The following CLSPN variants were observed in gnomAD, a reference collection of about 807,000 sequenced individuals.
CLSPN encodes the protein claspin.
Under a neutral mutation model 156.3 loss-of-function variants are expected in CLSPN, and 85 were observed. That is an observed-to-expected ratio of 0.54 (90% CI 0.46 to 0.65). The LOEUF is 0.65. Ranked by LOEUF, CLSPN falls within the 30% of genes least tolerant of loss-of-function variation. The pLI is 0.00. For synonymous variants in CLSPN, 534 were observed against 542.4 expected, an observed-to-expected ratio of 0.98 and a Z score of 0.22; for missense variants, 1,407 against 1,554.9, an observed-to-expected ratio of 0.90 and a Z score of 1.60.
At chr1:35,720,877 CTG>C (rs1410117115) in exon 25 of CLSPN, 29 of 1,598,656 alleles carry the variant, frequency 1.8e-5, no homozygotes, top group Non-Finnish European at 2.5e-5. Flanking sequence ...TCTTTGGACT[CTG>C]TCTCTCCCAG....
intron 10 of CLSPN, among the ~76,000 whole-genome samples, chr1:35,750,095 C>A (rs1432114656): frequency 6.6e-6 from 1 of 151,876 alleles, no homozygotes; most frequent in Non-Finnish European, 1.5e-5. Flanking sequence ...GTTAATTAAT[C>A]AGTCTAAGAT....
In CLSPN at chr1:35,747,899, C is replaced by CAGAAACAT. The variant is rs779450760; in HGVS notation, c.2627+7_2627+8insATGTTTCT. ...CATTCCCGCCCACAGAAACACAAAA[C>CAGAAACAT]TACCTACCCATCTGCATCCAACAGT... On this transcript the variant is annotated splice_region_variant and intron_variant, in intron 14 of 24. Transcript: ENST00000318121. 6 of 1,610,352 alleles carry CAGAAACAT rather than the reference C, an allele frequency of 3.7e-6. No homozygotes were observed. In the East Asian group the frequency reaches 1.3e-4, roughly 36 times the overall value.
At chr1:35,725,194 T>C (rs1248387168) in intron 24 of CLSPN, among the ~76,000 whole-genome samples, 1 of 152,154 alleles carries the variant, frequency 6.6e-6, no homozygotes, top group Non-Finnish European at 1.5e-5. Context: ...CAGATGAACC[T>C]AGGAAATGAA....
downstream of CLSPN, among the ~76,000 whole-genome samples, chr1:35,728,227 G>T (rs569958571): frequency 3.1e-4 from 47 of 152,016 alleles, no homozygotes; most frequent in Non-Finnish European, 6.2e-4. Flanking sequence ...AACCACAGGT[G>T]CATGCCACCA....
intron 8 of CLSPN, among the ~76,000 whole-genome samples, chr1:35,755,771 C>A (rs568686618): frequency 1.3e-5 from 2 of 152,090 alleles, no homozygotes; most frequent in South Asian, 2.1e-4. Context: ...TGCAGTGGTG[C>A]GATCACAGCT....
At chr1:35,765,411 C>A in intron 1 of CLSPN, 85 bp from the exon 2 acceptor site, 1 of 870,710 alleles carries the variant, frequency 1.1e-6, no homozygotes, top group Non-Finnish European at 1.9e-6. Context: ...ATCGTGGGAT[C>A]ATCAACCTGA....
In CLSPN at chr1:35,745,538, T is replaced by A. The variant is rs753467958; in HGVS notation, c.2879A>T (p.Glu960Val). Residue 960 changes from glutamate (E) to valine (V), a missense_variant, in exon 16 of 25, where the codon GAG (glutamate) becomes GTG (valine). By Grantham distance (121) the Glu-to-Val change is moderately radical (BLOSUM62 -2). Around this residue, in one of 3 missense-constraint regions of CLSPN, gnomAD observed 1,096 missense variants for 1,193.0 expected, o/e 0.92. Coordinates refer to ENST00000318121, the MANE Select transcript of CLSPN (RefSeq NM_022111.4). ...GCTCTCCTTCTCCTGTTTATTTAACTCTGATGAGGCTGGAGTGGAGGCATC... is the reference window on the plus strand; with the variant it reads ...GCTCTCCTTCTCCTGTTTATTTAACACTGATGAGGCTGGAGTGGAGGCATC... ...SQDASTPASS[E>V]LNKQEKESSM... The A allele has an allele frequency of 6.2e-7, 1 of 1,613,806 alleles. No individual in the cohort carries two copies. Among genetic ancestry groups the A allele is most frequent in the South Asian group, 1.1e-5 (1 of 91,074 alleles).
chr1:35,745,885 T>A (rs1641861456), intron 15 of CLSPN, among the ~76,000 whole-genome samples: 1 of 152,220 alleles, frequency 6.6e-6, no homozygotes, highest in Admixed American at 6.5e-5. Context: ...GACACTGTTC[T>A]AAACTTTGTA....
chr1:35,748,463 C>A lies in CLSPN; in HGVS notation c.2414G>T (p.Gly805Val). 2 of 1,614,152 alleles carry A rather than the reference C, an allele frequency of 1.2e-6. No individual in the cohort carries two copies. The highest frequency in any genetic ancestry group is 1.7e-6 in the Non-Finnish European group (2 of 1,180,032). ...RGTSFFPTAG[G>V]FRSPSPGLFR... is the part of the protein sequence containing the mutation. ...TAGCCCAGGGGAAGGAGATCTGAAT[C>A]CTCCTGCTGTAGGGAAAAAACTGGT... is the stretch of plus-strand genomic sequence containing the variant. The change falls in exon 13 of 25, where the codon GGA (glycine) becomes GTA (valine). Residue 805 changes from glycine (G) to valine (V), a missense_variant. By Grantham distance (109) the Gly-to-Val change is moderately radical. Coordinates refer to ENST00000318121, the MANE Select transcript of CLSPN (RefSeq NM_022111.4).
intron 8 of CLSPN, among the ~76,000 whole-genome samples, chr1:35,754,418 C>T (rs1220453919): frequency 6.6e-6 from 1 of 152,118 alleles, no homozygotes; most frequent in Non-Finnish European, 1.5e-5. Context: ...GATCTCAGCT[C>T]ACTGCAACCT....
chr1:35,758,604 C>A (rs1642366779), intron 8 of CLSPN, among the ~76,000 whole-genome samples: 1 of 151,776 alleles, frequency 6.6e-6, no homozygotes, highest in Non-Finnish European at 1.5e-5. Flanking sequence ...GAGATCGCAG[C>A]ATTGCACTCC....
chr1:35,749,540 T>G lies in CLSPN; in HGVS notation c.2208-9A>C. 6.2e-7 allele frequency: 1 copy of G among 1,614,052 alleles called. No individual in the cohort carries two copies. Among genetic ancestry groups the G allele is most frequent in the Non-Finnish European group, 8.5e-7 (1 of 1,179,964 alleles). On this transcript the variant is annotated splice_polypyrimidine_tract_variant and intron_variant, in intron 11 of 24. Coordinates refer to ENST00000318121, the MANE Select transcript of CLSPN (RefSeq NM_022111.4). Reference sequence around the variant, plus strand: ...CTTCAGTAGGAAAGTAACTGCAAAATAAGAAAGTAAATTGGTTCAGTATCT... The same window carrying G: ...CTTCAGTAGGAAAGTAACTGCAAAAGAAGAAAGTAAATTGGTTCAGTATCT...
At position 35,760,333 on chromosome 1, in the gene CLSPN, A is replaced by T; in HGVS notation, c.1579+9T>A. 1 of 1,604,566 alleles carries T rather than the reference A, an allele frequency of 6.2e-7. No homozygotes were observed. The highest frequency in any genetic ancestry group is 8.5e-7 in the Non-Finnish European group (1 of 1,173,822). ...CTCCAGGGAGGCTCCCCACAATGTA[A>T]AGGATTACCTCTGTTGGTTTCAGGT... On this transcript the variant is annotated intron_variant, in intron 8 of 24. Transcript: ENST00000318121.
At chr1:35,736,796 G>A in intron 24 of CLSPN, 118 bp downstream of exon 24, 1 of 1,319,596 alleles carries the variant, frequency 7.6e-7, no homozygotes, top group Non-Finnish European at 1.0e-6. Flanking sequence ...CCTTATCGGG[G>A]AGTGCAAGAT....
rs1344389869 is a variant in CLSPN, at chr1:35,736,261, A to G, written c.*235T>C. 2 of 1,117,776 alleles carry G rather than the reference A, an allele frequency of 1.8e-6. No individual in the cohort carries two copies. The highest frequency in any genetic ancestry group is 9.6e-5 in the East Asian group (2 of 20,878). The allele number at this position is 1,117,776 out of a possible 1,614,324, so 69.2% of individuals were successfully genotyped here. A position where few individuals can be genotyped will look rare whatever the true frequency, so the allele number is the denominator to read the frequency against. The stretch of plus-strand genomic sequence containing the variant: ...GGAAACCTCACCCAAGTATTCCATG[A>G]GTTGTTGATGTTGTAAATACTGCAG... On this transcript the variant is annotated 3_prime_UTR_variant, in exon 25 of 25. Transcript: ENST00000318121.
At chr1:35,750,897 T>C (rs1011864614) in intron 10 of CLSPN, among the ~76,000 whole-genome samples, 1 of 151,960 alleles carries the variant, frequency 6.6e-6, no homozygotes, top group African/African-American at 2.4e-5. Context: ...CTTTTTAATC[T>C]GCTAGAGAAA....
chr1:35,741,922 C>T (rs577777369), intron 18 of CLSPN, among the ~76,000 whole-genome samples: 8 of 129,688 alleles, frequency 6.2e-5, no homozygotes, highest in Admixed American at 9.3e-5. Context: ...TGCAGTGAGC[C>T]GAGATCATGC....
chr1:35,737,125 A>C (rs762383778), intron 23 of CLSPN, 50 bp from the exon 24 acceptor site: 1 of 1,574,272 alleles, frequency 6.4e-7, no homozygotes, highest in South Asian at 1.1e-5. Context: ...CCAACTAAAG[A>C]ATGAAAAGTC....
chr1:35,738,800 C>CTTTT (rs66781105), intron 20 of CLSPN, among the ~76,000 whole-genome samples: 1 of 96,376 alleles, frequency 1.0e-5, no homozygotes, highest in African/African-American at 3.4e-5. Context: ...TAACTGTTTG[C>CTTTT]TTTTTTTTTT....
Sources: allele counts gnomAD v4.1 joint callset (sites outside exome capture counted in the v4.1 genomes callset), GRCh38; gene constraint gnomAD v4.1.1; regional missense constraint gnomAD v4.1.1; transcripts MANE v1.5; gene names NCBI Gene and HGNC (gene_info 2026-07-23, HGNC 2026-07-21).